Variants in CIMIP6 observed in about 807,000 individuals in gnomAD.
CIMIP6 encodes the protein ciliary microtubule inner protein 6.
the CIMIP6 span, among the ~76,000 whole-genome samples, chr2:54,338,123 T>A: frequency 6.7e-6 from 1 of 150,308 alleles, no homozygotes; most frequent in South Asian, 2.1e-4. Flanking sequence ...AGTGACAGAG[T>A]GAGACCCTGC....
chr2:54,343,549 A>G, the CIMIP6 span, among the ~76,000 whole-genome samples: 2 of 152,232 alleles, frequency 1.3e-5, no homozygotes, highest in African/African-American at 2.4e-5. Flanking sequence ...CAGTGCCTTC[A>G]AAGAAATACA....
the CIMIP6 span, among the ~76,000 whole-genome samples, chr2:54,356,227 A>G: frequency 2.0e-5 from 3 of 151,844 alleles, no homozygotes; most frequent in Non-Finnish European, 4.4e-5. Context: ...TGCTGGGGGA[A>G]TGTTGGAGGA....
the CIMIP6 span, chr2:54,359,052 C>T: frequency 5.8e-5 from 88 of 1,528,724 alleles, no homozygotes; most frequent in East Asian, 1.8e-3. Context: ...AGAAAAACTC[C>T]GAATGAGCCT....
chr2:54,375,778 G>A, the CIMIP6 span, among the ~76,000 whole-genome samples: 3 of 152,082 alleles, frequency 2.0e-5, no homozygotes, highest in Non-Finnish European at 4.4e-5. Context: ...TTTGAGCATG[G>A]GCTAGATCTT....
the CIMIP6 span, among the ~76,000 whole-genome samples, chr2:54,354,984 T>C: frequency 2.0e-5 from 3 of 152,140 alleles, no homozygotes; most frequent in Non-Finnish European, 2.9e-5. Context: ...CTTTGATTTA[T>C]TTCTAGTCTT....
chr2:54,370,764 G>T, the CIMIP6 span, among the ~76,000 whole-genome samples: 1 of 152,202 alleles, frequency 6.6e-6, no homozygotes. Flanking sequence ...CCAAGGCCAG[G>T]ATAGCAGAGT....
At chr2:54,330,975 C>A in the CIMIP6 span, 1 of 1,613,434 alleles carries the variant, frequency 6.2e-7, no homozygotes, top group Non-Finnish European at 8.5e-7. Flanking sequence ...CGTAGAGGCC[C>A]ATGGAGGAAA....
the CIMIP6 span, chr2:54,360,210 G>C: frequency 6.4e-7 from 1 of 1,566,402 alleles, no homozygotes; most frequent in South Asian, 1.2e-5. Context: ...CAGAGACACG[G>C]AGCTTTTGTA....
At chr2:54,367,366 G>T in the CIMIP6 span, among the ~76,000 whole-genome samples, 1 of 151,844 alleles carries the variant, frequency 6.6e-6, no homozygotes, top group Non-Finnish European at 1.5e-5. Context: ...ACAACCCTAT[G>T]TCAGTTCCCC....
chr2:54,348,167 T>C, the CIMIP6 span, among the ~76,000 whole-genome samples: 2 of 152,220 alleles, frequency 1.3e-5, no homozygotes, highest in African/African-American at 4.8e-5. Context: ...CTTAGTATTA[T>C]GTGAACCTGA....
At chr2:54,375,174 G>A in the CIMIP6 span, among the ~76,000 whole-genome samples, 1 of 151,930 alleles carries the variant, frequency 6.6e-6, no homozygotes, top group Admixed American at 6.6e-5. Context: ...TGTTGACATA[G>A]CAAAAAATGT....
the CIMIP6 span, among the ~76,000 whole-genome samples, chr2:54,357,635 G>A: frequency 6.6e-6 from 1 of 150,776 alleles, no homozygotes; most frequent in East Asian, 1.9e-4. Context: ...GGAGTGCAGT[G>A]GCGCGATTTT....
chr2:54,362,969 T>G, the CIMIP6 span, among the ~76,000 whole-genome samples: 11 of 152,340 alleles, frequency 7.2e-5, no homozygotes, highest in Admixed American at 6.5e-4. Context: ...ACTTAATATT[T>G]GACCATCTAT....
the CIMIP6 span, chr2:54,358,999 C>G: frequency 6.4e-7 from 1 of 1,553,184 alleles, no homozygotes; most frequent in African/African-American, 1.4e-5. Flanking sequence ...AACTTCAAAA[C>G]AATTTTATAG....
At chr2:54,357,130 T>TTAGATGCAATTAG in the CIMIP6 span, among the ~76,000 whole-genome samples, 2 of 152,222 alleles carry the variant, frequency 1.3e-5, no homozygotes, top group Non-Finnish European at 2.9e-5. Flanking sequence ...TTTTGAGCAG[T>TTAGATGCAATTAG]TGATTGCAAT....
At chr2:54,358,464 C>T in the CIMIP6 span, among the ~76,000 whole-genome samples, 1 of 151,994 alleles carries the variant, frequency 6.6e-6, no homozygotes, top group Non-Finnish European at 1.5e-5. Flanking sequence ...CACAGTGGTG[C>T]AGTCATGGCT....
the CIMIP6 span, among the ~76,000 whole-genome samples, chr2:54,376,387 G>T: frequency 6.6e-6 from 1 of 152,086 alleles, no homozygotes; most frequent in Non-Finnish European, 1.5e-5. Context: ...TATTCCTGTC[G>T]TCGTAAGTAC....
the CIMIP6 span, among the ~76,000 whole-genome samples, chr2:54,376,010 T>G: frequency 7.2e-5 from 11 of 152,136 alleles, no homozygotes; most frequent in Admixed American, 7.2e-4. Context: ...TGTTTAAAAT[T>G]TTTACAGTGA....
the CIMIP6 span, among the ~76,000 whole-genome samples, chr2:54,377,014 C>T: frequency 7.2e-5 from 11 of 152,200 alleles, no homozygotes; most frequent in Non-Finnish European, 1.6e-4. Flanking sequence ...CTCACCTTAG[C>T]AGTCCGTTTT....
Sources: gnomAD v4.1 joint callset for allele counts (sites outside exome capture counted in the v4.1 genomes callset) on GRCh38, gnomAD v4.1.1 for gene constraint, MANE v1.5 for transcripts, NCBI Gene and HGNC (gene_info 2026-07-23, HGNC 2026-07-21) for gene names.